PDE1A: variants seen among roughly 807,000 people sequenced by gnomAD.
The protein encoded by PDE1A is phosphodiesterase 1A.
A neutral mutation model predicts 61.7 loss-of-function variants in PDE1A; 35 were observed. The ratio of observed to expected loss-of-function variants is 0.57; its 90% CI spans 0.43 to 0.75. The LOEUF (loss-of-function observed/expected upper bound fraction) is 0.75, where lower values mean the gene tolerates loss of function less well. PDE1A is among the 30% of genes least tolerant of loss of function. PDE1A has a pLI of 0.00. For synonymous variants in PDE1A, 232 were observed against 213.2 expected, an observed-to-expected ratio of 1.09 and a Z score of -0.77; for missense variants, 597 against 630.6, an observed-to-expected ratio of 0.95 and a Z score of 0.57.
At chr2:182,295,751 A>G (rs1412432785) in intron 1 of PDE1A, among the ~76,000 whole-genome samples, 1 of 152,122 alleles carries the variant, frequency 6.6e-6, no homozygotes, top group Non-Finnish European at 1.5e-5. Flanking sequence ...TTTTGAATAA[A>G]ATATATATAT....
the PDE1A span, among the ~76,000 whole-genome samples, chr2:182,630,945 G>A: frequency 6.6e-6 from 1 of 151,834 alleles, no homozygotes; most frequent in Admixed American, 6.6e-5. Flanking sequence ...TATTAATTAT[G>A]GTTCTCCAGA....
intron 2 of PDE1A, among the ~76,000 whole-genome samples, chr2:182,513,557 C>T (rs1246185175): frequency 6.6e-6 from 1 of 152,184 alleles, no homozygotes; most frequent in Non-Finnish European, 1.5e-5. Context: ...TATACAACAA[C>T]CAGCTAACAA....
At chr2:182,566,373 A>C in the PDE1A span, among the ~76,000 whole-genome samples, 1 of 152,078 alleles carries the variant, frequency 6.6e-6, no homozygotes, top group Non-Finnish European at 1.5e-5. Context: ...TTAGTCATCA[A>C]TATTTCGAAA....
chr2:182,336,774 TATAA>T (rs58982702), intron 1 of PDE1A, among the ~76,000 whole-genome samples: 94,574 of 148,612 alleles, frequency 0.64, 31,304 homozygotes, highest in Middle Eastern at 0.76. Context: ...TATATATATA[TATAA>T]GTCCCTATGA....
At chr2:182,215,482 T>A (rs1688082020) in intron 7 of PDE1A, among the ~76,000 whole-genome samples, 1 of 150,992 alleles carries the variant, frequency 6.6e-6, no homozygotes, top group Non-Finnish European at 1.5e-5. Context: ...CAGGAGCTGG[T>A]TTTTTGAAAG....
chr2:182,483,983 T>C (rs1274911170), intron 2 of PDE1A, among the ~76,000 whole-genome samples: 1 of 151,698 alleles, frequency 6.6e-6, no homozygotes, highest in Non-Finnish European at 1.5e-5. Flanking sequence ...TTTGAACAAC[T>C]CTATGCCAAA....
intron 2 of PDE1A, among the ~76,000 whole-genome samples, chr2:182,497,165 C>T (rs549579590): frequency 6.6e-6 from 1 of 152,252 alleles, no homozygotes; most frequent in Non-Finnish European, 1.5e-5. Flanking sequence ...TAAAACTCCA[C>T]TAACATGACA....
intron 1 of PDE1A, among the ~76,000 whole-genome samples, chr2:182,412,294 A>G (rs561421480): frequency 6.6e-6 from 1 of 152,286 alleles, no homozygotes; most frequent in East Asian, 1.9e-4. Flanking sequence ...TAGTTTCCAG[A>G]AATGACTACT....
At chr2:182,703,187 T>C in the PDE1A span, among the ~76,000 whole-genome samples, 1 of 152,222 alleles carries the variant, frequency 6.6e-6, no homozygotes, top group African/African-American at 2.4e-5. Context: ...AAAATCCTAC[T>C]TGTGATTTGA....
At chr2:182,677,854 A>G in the PDE1A span, among the ~76,000 whole-genome samples, 2 of 152,206 alleles carry the variant, frequency 1.3e-5, no homozygotes, top group Non-Finnish European at 1.5e-5. Flanking sequence ...TCCTTACAAC[A>G]TATACAAAAA....
the PDE1A span, among the ~76,000 whole-genome samples, chr2:182,649,675 A>G: frequency 6.6e-6 from 1 of 151,676 alleles, no homozygotes; most frequent in Non-Finnish European, 1.5e-5. Context: ...CAGGGGCGCA[A>G]TCTCAGTTCA....
intron 1 of PDE1A, among the ~76,000 whole-genome samples, chr2:182,373,152 G>A (rs1264021010): frequency 2.6e-5 from 4 of 152,206 alleles, no homozygotes; most frequent in Non-Finnish European, 4.4e-5. Flanking sequence ...ATTTACTTGA[G>A]TCAGGCATCC....
chr2:182,256,897 G>A (rs1488465092), intron 2 of PDE1A, among the ~76,000 whole-genome samples: 1 of 152,090 alleles, frequency 6.6e-6, no homozygotes, highest in Non-Finnish European at 1.5e-5. Flanking sequence ...GCAAATTCTG[G>A]AAAAATAGTC....
At chr2:182,377,854 T>A (rs1169445866) in intron 1 of PDE1A, among the ~76,000 whole-genome samples, 1 of 137,882 alleles carries the variant, frequency 7.3e-6, no homozygotes, top group Non-Finnish European at 1.6e-5. Flanking sequence ...TTCAGACAGT[T>A]TTTTTTTTTT....
In PDE1A at chr2:182,258,147, G is replaced by A. The variant is rs76689456; in HGVS notation, c.167+6154C>T. On this transcript the variant is annotated intron_variant, in intron 2 of 13. Transcript: ENST00000351439. ...TGTGCCACTGCACTCCAGCCTAGGCGACAGTATGAGACTCCATCTCGAAAA... is the reference window on the plus strand; with the variant it reads ...TGTGCCACTGCACTCCAGCCTAGGCAACAGTATGAGACTCCATCTCGAAAA... 7.6e-3 allele frequency among the ~76,000 whole-genome samples: 1,143 copies of A among 150,612 alleles called. 10 individuals are homozygous for A. The highest frequency in any genetic ancestry group is 0.026 in the African/African-American group (1,060 of 40,906).
the PDE1A span, among the ~76,000 whole-genome samples, chr2:182,701,231 T>A: frequency 3.3e-5 from 5 of 151,768 alleles, no homozygotes; most frequent in Admixed American, 2.0e-4. Context: ...AAGACGGGGT[T>A]TCACCGTGTT....
At chr2:182,282,026 T>C (rs1356217359) in intron 1 of PDE1A, among the ~76,000 whole-genome samples, 1 of 151,980 alleles carries the variant, frequency 6.6e-6, no homozygotes, top group African/African-American at 2.4e-5. Flanking sequence ...TGGAACAATG[T>C]TACCCTTAAT....
intron 1 of PDE1A, among the ~76,000 whole-genome samples, chr2:182,340,290 C>T (rs904104505): frequency 7.9e-5 from 12 of 152,136 alleles, no homozygotes; most frequent in African/African-American, 2.7e-4. Flanking sequence ...AAATTCACCA[C>T]CATAACTTCT....
upstream of PDE1A, chr2:182,523,328 G>A (rs961290802): frequency 1.3e-5 from 2 of 152,188 alleles, no homozygotes; most frequent in African/African-American, 4.8e-5. Flanking sequence ...AGGGACAAGA[G>A]AGAAACTGAT....
Sources: gnomAD v4.1 joint callset for allele counts (sites outside exome capture counted in the v4.1 genomes callset) on GRCh38, gnomAD v4.1.1 for gene constraint, MANE v1.5 for transcripts, NCBI Gene and HGNC (gene_info 2026-07-23, HGNC 2026-07-21) for gene names.